The following CPLANE1 variants were observed in gnomAD, a reference collection of about 807,000 sequenced individuals.
CPLANE1 encodes the protein ciliogenesis and planar polarity effector complex subunit 1, also known as ciliogenesis and planar polarity effector 1.
CPLANE1 carries 263 observed loss-of-function variants against 362.5 expected under a neutral mutation model. The observed-to-expected ratio is 0.73, with a 90% CI of 0.66 to 0.80. CPLANE1 has a LOEUF of 0.80. Among genes scored for constraint, CPLANE1 ranks in the 30% least tolerant of loss-of-function variants. The pLI is 0.00. For synonymous variants in CPLANE1, 1,212 were observed against 1,302.6 expected, an observed-to-expected ratio of 0.93 and a Z score of 1.50; for missense variants, 3,461 against 3,793.4, an observed-to-expected ratio of 0.91 and a Z score of 2.30.
At chr5:37,124,980 C>T in intron 47 of CPLANE1, 1 of 1,200,692 alleles carries the variant, frequency 8.3e-7, no homozygotes, top group Non-Finnish European at 1.0e-6. Context: ...ACTCAACCTC[C>T]TCCTCTTGTT....
At chr5:37,220,821 G>A (rs1289096348) in intron 15 of CPLANE1, among the ~76,000 whole-genome samples, 3 of 152,126 alleles carry the variant, frequency 2.0e-5, no homozygotes, top group Admixed American at 2.0e-4. Context: ...GCCCGGCCCA[G>A]ATTTTTTAAA....
intron 19 of CPLANE1, among the ~76,000 whole-genome samples, 189 bp downstream of exon 19, chr5:37,201,402 T>C (rs940767222): frequency 6.6e-6 from 1 of 152,208 alleles, no homozygotes; most frequent in Non-Finnish European, 1.5e-5. Flanking sequence ...ATTTAACCGA[T>C]ACGGAAACTT....
chr5:37,191,435 T>C (rs1408603349), intron 21 of CPLANE1, among the ~76,000 whole-genome samples: 4 of 151,618 alleles, frequency 2.6e-5, no homozygotes, highest in African/African-American at 9.7e-5. Context: ...CTTTGGGAGG[T>C]AGAGGCAGGT....
intron 32 of CPLANE1, among the ~76,000 whole-genome samples, chr5:37,172,840 G>A (rs1780169702): frequency 6.6e-6 from 1 of 152,072 alleles, no homozygotes; most frequent in Non-Finnish European, 1.5e-5. Flanking sequence ...ATAAAAATTA[G>A]CCAGGCAAGG....
In CPLANE1 at chr5:37,121,479, G is replaced by A. The variant is rs1332484013; in HGVS notation, c.9185+138C>T. ...ATGTATAAAGACCTCATGATTATGA[G>A]GCTACTTTTTTCCTTTATCATCATA... On this transcript the variant is annotated intron_variant, in intron 49 of 52. Transcript: ENST00000651892. The A allele has an allele frequency of 1.1e-5, 8 of 747,484 alleles. No homozygotes were observed. In the South Asian group the frequency reaches 1.5e-4, roughly 14 times the overall value. 46.3% of individuals were successfully genotyped at this position (747,484 alleles called of 1,614,324 possible). A position where few individuals can be genotyped will look rare whatever the true frequency, so the allele number is the denominator to read the frequency against.
Position 37,226,932 on chromosome 5 carries a change from C to T in CPLANE1, c.1663G>A (p.Ala555Thr), listed in dbSNP as rs1337841433. Residue 555 changes from alanine to threonine, a missense_variant, in exon 12 of 53, where the codon GCA becomes ACA. Coordinates refer to ENST00000651892, the MANE Select transcript of CPLANE1 (RefSeq NM_001384732.1). ...EFASMFDTIHAKDDSEETDRT... is the reference protein window; with the variant it reads ...EFASMFDTIHTKDDSEETDRT... ...TCTGTCTCCTCACTATCATCCTTTG[C>T]ATGTATCGTATCAAACATAGATGCA... 1.9e-6 allele frequency: 3 copies of T among 1,551,918 alleles called. No homozygotes were observed. The East Asian group carries it at 7.3e-5, about 38-fold the overall frequency.
intron 15 of CPLANE1, 131 bp downstream of exon 15, chr5:37,221,193 C>T: frequency 1.8e-6 from 1 of 540,754 alleles, no homozygotes; most frequent in Non-Finnish European, 3.3e-6. Context: ...ATACTGCATT[C>T]TGTAGTCCTA....
At position 37,125,346 on chromosome 5, in the gene CPLANE1, G is replaced by C. The variant is rs1432919925; in HGVS notation, c.8856C>G (p.Ala2952=). The C allele has an allele frequency of 3.7e-6, 6 of 1,613,588 alleles. No homozygotes were observed. Among genetic ancestry groups the C allele is most frequent in the Non-Finnish European group, 5.1e-6 (6 of 1,179,904 alleles). The part of the protein sequence containing the change: ...RTDKERREIQ[A]WMKRKRKERM... ...TTTCTTTTCGTTTTCTTTTCATCCA[G>C]GCTTGAATCTCTCTTCTTTCCTTGT... The change falls in exon 47 of 53, where the codon GCC becomes GCG. Residue 2952 remains alanine, a synonymous_variant. Transcript: ENST00000651892.
intron 47 of CPLANE1, among the ~76,000 whole-genome samples, chr5:37,124,537 G>A (rs958683392): frequency 6.6e-6 from 1 of 151,732 alleles, no homozygotes; most frequent in Non-Finnish European, 1.5e-5. Flanking sequence ...AAAATTGAAG[G>A]GTTTTTTATT....
At chr5:37,077,411 C>CTGCTT in the CPLANE1 span, among the ~76,000 whole-genome samples, 1 of 152,224 alleles carries the variant, frequency 6.6e-6, no homozygotes, top group South Asian at 2.1e-4. Flanking sequence ...TCTGTTGCTG[C>CTGCTT]TGCTTTTGTC....
intron 52 of CPLANE1, 62 bp downstream of exon 52, chr5:37,108,231 A>G: frequency 2.7e-6 from 4 of 1,474,382 alleles, no homozygotes; most frequent in Non-Finnish European, 3.7e-6. Context: ...CAAACAAACA[A>G]ACAAAAAACC....
chr5:37,209,422 G>A lies in CPLANE1; in HGVS notation c.2921-2997C>T. The A allele has an allele frequency of 7.7e-7, 1 of 1,291,410 alleles. No individual in the cohort carries two copies. The highest frequency in any genetic ancestry group is 1.2e-5 in the South Asian group (1 of 84,588). 80.0% of individuals were successfully genotyped at this position (1,291,410 alleles called of 1,614,324 possible). ...GATGTGTTGAGTCAAAATGAACTGCGCAAAAAGCTATACCAGACATTTAAG... is the reference window on the plus strand; with the variant it reads ...GATGTGTTGAGTCAAAATGAACTGCACAAAAAGCTATACCAGACATTTAAG... On this transcript the variant is annotated intron_variant, in intron 16 of 52. Transcript: ENST00000651892. The surrounding 1 kb of genome is among the most constrained non-coding windows in gnomAD (Gnocchi z 4.6).
rs924972309 is a variant in CPLANE1, at chr5:37,118,765, G to A, written c.9310+1451C>T. Reference sequence around the variant, plus strand: ...AGTCTCACTCTGTCGCCAAGCTGGAGTGCAGTGGTGCGATCTCAGCTCACT... The same window carrying A: ...AGTCTCACTCTGTCGCCAAGCTGGAATGCAGTGGTGCGATCTCAGCTCACT... On this transcript the variant is annotated intron_variant, in intron 50 of 52. Transcript: ENST00000651892. Among the ~76,000 whole-genome samples the A allele has an allele frequency of 6.6e-6, 1 of 150,710 alleles. No individual in the cohort carries two copies. Among genetic ancestry groups the A allele is most frequent in the Admixed American group, 6.6e-5 (1 of 15,110 alleles).
chr5:37,247,559 G>T, intron 2 of CPLANE1, 59 bp downstream of exon 2: 1 of 1,427,674 alleles, frequency 7.0e-7, no homozygotes, highest in African/African-American at 1.4e-5. Flanking sequence ...CTATATTACA[G>T]GCAAAACACA....
intron 34 of CPLANE1, among the ~76,000 whole-genome samples, chr5:37,167,866 T>A (rs959444133): frequency 6.6e-6 from 1 of 152,200 alleles, no homozygotes; most frequent in African/African-American, 2.4e-5. Flanking sequence ...ACAGGGAAGA[T>A]GTAGAGGCAC....
At position 37,209,718 on chromosome 5, in the gene CPLANE1, C is replaced by A. The variant is rs531673664; in HGVS notation, c.2921-3293G>T. On this transcript the variant is annotated intron_variant, in intron 16 of 52. Transcript: ENST00000651892. This position sits in a 1 kb window ranked among gnomAD's most constrained non-coding sequence, Gnocchi z 4.6. Reference sequence around the variant, plus strand: ...TCTATTACAACTCATTAAAATCAACCCTACTTCCAGTCTGTACAAATCACT... The same window carrying A: ...TCTATTACAACTCATTAAAATCAACACTACTTCCAGTCTGTACAAATCACT... The A allele has an allele frequency of 1.6e-6, 2 of 1,229,672 alleles. No homozygotes were observed. Among genetic ancestry groups the A allele is most frequent in the South Asian group, 2.4e-5 (2 of 83,206 alleles). 76.2% of individuals were successfully genotyped at this position (1,229,672 alleles called of 1,614,324 possible).
the CPLANE1 span, among the ~76,000 whole-genome samples, chr5:37,089,651 G>C: frequency 6.6e-6 from 1 of 152,168 alleles, no homozygotes; most frequent in Non-Finnish European, 1.5e-5. Context: ...GACCACTTCA[G>C]CAGCAGCTCC....
intron 34 of CPLANE1, among the ~76,000 whole-genome samples, 197 bp from the exon 35 acceptor site, chr5:37,167,410 A>C (rs1778556061): frequency 6.6e-6 from 1 of 152,238 alleles, no homozygotes; most frequent in African/African-American, 2.4e-5. Flanking sequence ...AAGTGCTGAA[A>C]GTTTCAAATG....
intron 50 of CPLANE1, among the ~76,000 whole-genome samples, chr5:37,119,259 G>C (rs1017574941): frequency 6.6e-6 from 1 of 152,070 alleles, no homozygotes; most frequent in African/African-American, 2.4e-5. Flanking sequence ...TATTCATCCT[G>C]CAATCTATCA....
Sources: gnomAD v4.1 joint callset for allele counts (sites outside exome capture counted in the v4.1 genomes callset) on GRCh38, gnomAD v4.1.1 for gene constraint, Gnocchi (gnomAD v3.1) non-coding constraint, MANE v1.5 for transcripts, NCBI Gene and HGNC (gene_info 2026-07-23, HGNC 2026-07-21) for gene names.